Variants in MYO18B observed in about 807,000 individuals in gnomAD.
The protein encoded by MYO18B is unconventional myosin-XVIIIb.
A neutral mutation model predicts 273.0 loss-of-function variants in MYO18B; 204 were observed. The observed-to-expected ratio is 0.75, with a 90% confidence interval of 0.67 to 0.84. The LOEUF (loss-of-function observed/expected upper bound fraction) is 0.84, where lower values mean the gene tolerates loss of function less well. Among genes scored for constraint, MYO18B ranks in the 40% least tolerant of loss-of-function variants. The probability of loss-of-function intolerance (pLI) is 0.00; values close to 1 mark genes in which losing one functional copy is unlikely to be tolerated. For missense variants in MYO18B, 3,212 were observed against 3,287.6 expected (o/e 0.98, Z 0.56); for synonymous variants, 1,330 against 1,305.7 (o/e 1.02, Z -0.40).
At chr22:25,955,482 T>G (rs910767289) in intron 39 of MYO18B, 118 bp downstream of exon 39, 78 of 1,081,774 alleles carry the variant, frequency 7.2e-5, no homozygotes, top group Non-Finnish European at 9.7e-5. Flanking sequence ...GCCTCAGGGG[T>G]GTGCGGAAAG....
At chr22:25,820,609 A>G (rs1808299480) in intron 12 of MYO18B, among the ~76,000 whole-genome samples, 1 of 152,230 alleles carries the variant, frequency 6.6e-6, no homozygotes, top group Non-Finnish European at 1.5e-5. Flanking sequence ...GTTTCTAAAC[A>G]TGTACAGTTA....
chr22:25,988,094 C>G (rs796992789), intron 39 of MYO18B, among the ~76,000 whole-genome samples: 1 of 151,902 alleles, frequency 6.6e-6, no homozygotes, highest in South Asian at 2.1e-4. Flanking sequence ...CAGATGCTGT[C>G]GTTGCCTCCC....
At chr22:25,835,563 G>T (rs1290712142) in intron 17 of MYO18B, 120 bp downstream of exon 17, 3 of 1,186,178 alleles carry the variant, frequency 2.5e-6, no homozygotes, top group Non-Finnish European at 2.4e-6. Flanking sequence ...GTGCAGAGGT[G>T]AATGTGCATG....
At chr22:25,757,955 G>T (rs2086178317) in intron 1 of MYO18B, among the ~76,000 whole-genome samples, 1 of 152,210 alleles carries the variant, frequency 6.6e-6, no homozygotes, top group Non-Finnish European at 1.5e-5. Flanking sequence ...GGGTGGGGAT[G>T]TGGAAAAAGA....
At chr22:25,921,198 A>G (rs2092335537) in intron 33 of MYO18B, 59 bp from the exon 34 acceptor site, 1 of 1,502,044 alleles carries the variant, frequency 6.7e-7, no homozygotes, top group Admixed American at 2.1e-5. Context: ...ATTCCGGAAA[A>G]CTTAGACCCT....
chr22:25,911,639 C>T (rs1288110910), intron 33 of MYO18B, among the ~76,000 whole-genome samples: 1 of 152,210 alleles, frequency 6.6e-6, no homozygotes, highest in East Asian at 1.9e-4. Context: ...AGAGGGCTGT[C>T]CTGTACATTG....
intron 21 of MYO18B, among the ~76,000 whole-genome samples, chr22:25,857,299 G>A (rs1277190402): frequency 2.0e-5 from 3 of 152,084 alleles, no homozygotes; most frequent in Non-Finnish European, 4.4e-5. Context: ...GAAACCCTTG[G>A]GCCTGCCCTC....
Position 25,823,163 on chromosome 22 carries a change from G to A in MYO18B, c.2522-342G>A, listed in dbSNP as rs147746239. On this transcript the variant is annotated intron_variant, in intron 12 of 43. Coordinates refer to ENST00000335473, the MANE Select transcript of MYO18B (RefSeq NM_032608.7). Reference sequence around the variant, plus strand: ...GCTTGCAGGGGATAGTGCATGCCTGGATGGGTAGGTAAATGGATATGTGGG... The same window carrying A: ...GCTTGCAGGGGATAGTGCATGCCTGAATGGGTAGGTAAATGGATATGTGGG... 4.1e-3 allele frequency among the ~76,000 whole-genome samples: 630 copies of A among 152,310 alleles called. 1 individual carries two copies. Among genetic ancestry groups the A allele is most frequent in the Non-Finnish European group, 5.8e-3 (397 of 68,030 alleles).
rs147717283 is a variant in MYO18B at position 25,861,256 on chromosome 22, G to A, written c.3886-7064G>A. On this transcript the variant is annotated intron_variant, in intron 21 of 43. Transcript: ENST00000335473. The stretch of plus-strand genomic sequence containing the variant: ...GGTATTACGCTCTCCAACTATTAAT[G>A]TTAAATTTTCTATTTATCCTGTCAT... Among the ~76,000 whole-genome samples, 917 of 152,240 alleles carry A rather than the reference G, an allele frequency of 6.0e-3. 13 individuals are homozygous for A. The highest frequency in any genetic ancestry group is 0.021 in the African/African-American group (878 of 41,542).
At position 25,777,437 on chromosome 22, in the gene MYO18B, C is replaced by T. The variant is rs142123230; in HGVS notation, c.1870-146C>T. On this transcript the variant is annotated intron_variant, in intron 7 of 43. Coordinates refer to ENST00000335473, the MANE Select transcript of MYO18B (RefSeq NM_032608.7). ...ACATACAGGCTTGGCTCCTCCTAGT[C>T]GAGTAGGAAGGGAGTCAGGGATCTG... 2.2e-3 allele frequency: 1,674 copies of T among 756,404 alleles called. 24 individuals are homozygous for T. The African/African-American group carries it at 0.027, about 12-fold the overall frequency. The allele number at this position is 756,404 out of a possible 1,614,324, so 46.9% of individuals were successfully genotyped here.
intron 39 of MYO18B, among the ~76,000 whole-genome samples, chr22:25,973,366 C>T (rs2146747504): frequency 6.6e-6 from 1 of 152,310 alleles, no homozygotes; most frequent in East Asian, 1.9e-4. Flanking sequence ...CCTCTTAGAA[C>T]CTTCAGACCA....
At chr22:26,028,508 A>G (rs1936447120) in intron 43 of MYO18B, 1 of 152,160 alleles carries the variant, frequency 6.6e-6, no homozygotes, top group South Asian at 2.1e-4. Flanking sequence ...AAGTACAAAA[A>G]TCACAGAGCA....
At chr22:25,984,723 G>C (rs2093182826) in intron 39 of MYO18B, among the ~76,000 whole-genome samples, 1 of 152,028 alleles carries the variant, frequency 6.6e-6, no homozygotes, top group Non-Finnish European at 1.5e-5. Flanking sequence ...CTTGAGCCCA[G>C]GAGTTCAAGG....
At chr22:25,956,122 A>T (rs2092848495) in intron 39 of MYO18B, among the ~76,000 whole-genome samples, 1 of 152,072 alleles carries the variant, frequency 6.6e-6, no homozygotes, top group Non-Finnish European at 1.5e-5. Flanking sequence ...GTCACACAGG[A>T]GTAAGAATTT....
At chr22:25,774,157 G>T (rs2086827863) in intron 7 of MYO18B, among the ~76,000 whole-genome samples, 1 of 152,176 alleles carries the variant, frequency 6.6e-6, no homozygotes, top group African/African-American at 2.4e-5. Flanking sequence ...CATTAAAGGG[G>T]ATATAGTGGG....
intron 14 of MYO18B, among the ~76,000 whole-genome samples, chr22:25,828,279 T>C (rs1394735665): frequency 6.6e-6 from 1 of 152,194 alleles, no homozygotes; most frequent in Non-Finnish European, 1.5e-5. Flanking sequence ...GAAGCCCACA[T>C]GTGACTGGCT....
At chr22:25,813,494 A>G (rs1002157725) in intron 12 of MYO18B, among the ~76,000 whole-genome samples, 1 of 152,104 alleles carries the variant, frequency 6.6e-6, no homozygotes, top group African/African-American at 2.4e-5. Context: ...TGGGCAGGAG[A>G]CAACCAAAGT....
At chr22:25,859,585 G>A (rs1031892395) in intron 21 of MYO18B, among the ~76,000 whole-genome samples, 4 of 151,964 alleles carry the variant, frequency 2.6e-5, no homozygotes, top group South Asian at 2.1e-4. Flanking sequence ...TGTGCAAAGC[G>A]GCATCTCATT....
At position 25,824,070 on chromosome 22, in the gene MYO18B, G is replaced by T. The variant is rs183110957; in HGVS notation, c.2695+392G>T. 9.2e-5 allele frequency among the ~76,000 whole-genome samples: 14 copies of T among 152,306 alleles called. 1 individual carries two copies. Among genetic ancestry groups the T allele is most frequent in the African/African-American group, 3.4e-4 (14 of 41,572 alleles). On this transcript the variant is annotated intron_variant, in intron 13 of 43. Coordinates refer to ENST00000335473, the MANE Select transcript of MYO18B (RefSeq NM_032608.7). ...TGGCTGCTGCGAGGTGGAGGGATGG[G>T]AGAAGATGAGGGTGGAGAGCAAGGT... is the stretch of plus-strand genomic sequence containing the variant.
Sources: gnomAD v4.1 joint callset for allele counts (sites outside exome capture counted in the v4.1 genomes callset) on GRCh38, gnomAD v4.1.1 for gene constraint, MANE v1.5 for transcripts, NCBI Gene and HGNC (gene_info 2026-07-23, HGNC 2026-07-21) for gene names.